ATP10A: variants seen among roughly 807,000 people sequenced by gnomAD.
ATP10A encodes the protein phospholipid-transporting ATPase VA.
In ATP10A, 111 loss-of-function variants were observed where a neutral mutation model predicts 147.8. That is an observed-to-expected ratio of 0.75 (90% CI 0.64 to 0.88). ATP10A has a LOEUF of 0.88. ATP10A is among the 40% of genes least tolerant of loss of function. The pLI is 0.00. For missense variants in ATP10A, 1,927 were observed against 1,959.0 expected (o/e 0.98, Z 0.31); for synonymous variants, 875 against 841.6 (o/e 1.04, Z -0.69).
intron 14 of ATP10A, among the ~76,000 whole-genome samples, chr15:25,693,441 C>G (rs557962432): frequency 6.6e-6 from 1 of 152,250 alleles, no homozygotes; most frequent in South Asian, 2.1e-4. Context: ...ATACCAGACA[C>G]CAGTGGCTAC....
chr15:25,713,578 T>C (rs1299069387), intron 10 of ATP10A, 96 bp downstream of exon 10: 1 of 1,242,306 alleles, frequency 8.0e-7, no homozygotes, highest in South Asian at 1.4e-5. Context: ...AAAGGATTAA[T>C]GAAAATCACT....
At chr15:25,822,222 C>G (rs1891922486) in intron 1 of ATP10A, among the ~76,000 whole-genome samples, 1 of 152,152 alleles carries the variant, frequency 6.6e-6, no homozygotes, top group Non-Finnish European at 1.5e-5. Flanking sequence ...ACTTTTAGAT[C>G]TGAATCCAGG....
chr15:25,679,977 A>C lies in ATP10A; in HGVS notation c.3867-3T>G. On this transcript the variant is annotated splice_region_variant and splice_polypyrimidine_tract_variant and intron_variant, in intron 20 of 20. Transcript: ENST00000555815. ...CCTGGAGGGATCTGAAAAACAATCT[A>C]GAAAAAGTACATTAAAACAAAAAGT... is the stretch of plus-strand genomic sequence containing the variant. 1 of 1,590,992 alleles carries C rather than the reference A, an allele frequency of 6.3e-7. No homozygotes were observed. The highest frequency in any genetic ancestry group is 8.6e-7 in the Non-Finnish European group (1 of 1,164,028).
chr15:25,847,555 C>T (rs1182383475), intron 1 of ATP10A, among the ~76,000 whole-genome samples: 1 of 138,540 alleles, frequency 7.2e-6, no homozygotes, highest in Non-Finnish European at 1.5e-5. Context: ...CATGATCCCA[C>T]TAAGCAATTT....
intron 17 of ATP10A, 133 bp downstream of exon 17, chr15:25,683,153 A>C: frequency 1.2e-6 from 1 of 833,428 alleles, no homozygotes; most frequent in South Asian, 1.8e-5. Flanking sequence ...CATCCTCTAG[A>C]ATGGTGAATT....
chr15:25,757,744 T>C (rs1888503087), intron 2 of ATP10A, among the ~76,000 whole-genome samples: 1 of 152,238 alleles, frequency 6.6e-6, no homozygotes. Flanking sequence ...TTTCAAAGAA[T>C]TAATGTCAGT....
chr15:25,716,612 G>C, intron 9 of ATP10A, 118 bp downstream of exon 9: 1 of 1,017,734 alleles, frequency 9.8e-7, no homozygotes, highest in South Asian at 1.8e-5. Context: ...CTTAGGTCAC[G>C]ATGTGCCAAG....
At chr15:25,850,208 G>A (rs1463744584) in intron 1 of ATP10A, among the ~76,000 whole-genome samples, 1 of 152,168 alleles carries the variant, frequency 6.6e-6, no homozygotes. Context: ...TTCAAAAATG[G>A]TTGGCTTGTT....
intron 17 of ATP10A, 44 bp from the exon 18 acceptor site, chr15:25,681,118 C>A (rs1196051219): frequency 6.4e-7 from 1 of 1,571,010 alleles, no homozygotes. Flanking sequence ...GAAGCATTGG[C>A]ATCCTCTGTG....
At chr15:25,837,959 A>T (rs28650022) in intron 1 of ATP10A, among the ~76,000 whole-genome samples, 4 of 152,274 alleles carry the variant, frequency 2.6e-5, no homozygotes, top group East Asian at 3.9e-4. Context: ...GGAGGATGGA[A>T]GAGGGACAGC....
intron 1 of ATP10A, among the ~76,000 whole-genome samples, chr15:25,843,909 G>A (rs1296142015): frequency 4.6e-5 from 7 of 152,116 alleles, no homozygotes; most frequent in Non-Finnish European, 1.0e-4. Flanking sequence ...CCTTTTAGCC[G>A]ATTTCCTGCT....
rs1471151044 is a variant in ATP10A, at chr15:25,714,037, G to A, written c.1981C>T (p.Pro661Ser). 8.7e-6 allele frequency: 14 copies of A among 1,611,300 alleles called. No individual in the cohort carries two copies. The highest frequency in any genetic ancestry group is 1.6e-4 in the Middle Eastern group (1 of 6,082). ...CCGTTGCTGGCGATGGCCGAGGTGG[G>A]CTGGCCCAGCCTCTCCTCCAGCCTG... is the stretch of plus-strand genomic sequence containing the variant. ...LLRLEERLGQ[P>S]TSAIASNGYS... Residue 661 changes from proline (P) to serine (S), a missense_variant, in exon 10 of 21, where the codon CCC becomes TCC. Physicochemically the swap from Pro to Ser is moderately conservative, Grantham distance 74 (BLOSUM62 -1). Transcript: ENST00000555815.
At chr15:25,680,721 G>T in intron 19 of ATP10A, 89 bp downstream of exon 19, 2 of 1,252,190 alleles carry the variant, frequency 1.6e-6, no homozygotes, top group South Asian at 2.4e-5. Flanking sequence ...TACTCAAAAC[G>T]ACCTCCCAGA....
chr15:25,683,209 G>A (rs1296059420), intron 17 of ATP10A, 77 bp downstream of exon 17: 9 of 1,387,382 alleles, frequency 6.5e-6, no homozygotes, highest in Non-Finnish European at 7.1e-6. Context: ...GGGAGGCTGG[G>A]GGACTGGCAC....
intron 1 of ATP10A, among the ~76,000 whole-genome samples, chr15:25,824,778 C>T (rs1892048144): frequency 2.0e-5 from 3 of 152,238 alleles, no homozygotes; most frequent in African/African-American, 7.2e-5. Flanking sequence ...AGAAAAATGG[C>T]TGAAACTCAG....
intron 2 of ATP10A, among the ~76,000 whole-genome samples, chr15:25,774,830 A>G (rs569545284): frequency 6.6e-6 from 1 of 152,346 alleles, no homozygotes; most frequent in South Asian, 2.1e-4. Flanking sequence ...TTAGAATTAA[A>G]AATTTAATCT....
chr15:25,862,995 G>C lies in ATP10A; in HGVS notation c.102C>G (p.Pro34=). ...CAGCCGCAGGGTCCTCGGCGCCCGG[G>C]GGCGGCAGCAGGTTGGAGCGCACCG... The part of the protein sequence containing the change: ...TRTVRSNLLP[P]PGAEDPAAGA... The change falls in exon 1 of 21, where the codon CCC becomes CCG. Residue 34 remains proline (P), a synonymous_variant. Coordinates refer to ENST00000555815, the MANE Select transcript of ATP10A (RefSeq NM_024490.4). The C allele has an allele frequency of 7.1e-7, 1 of 1,413,646 alleles. No individual in the cohort carries two copies. The allele number at this position is 1,413,646 out of a possible 1,614,324, so 87.6% of individuals were successfully genotyped here. A position where few individuals can be genotyped will look rare whatever the true frequency, so the allele number is the denominator to read the frequency against.
intron 1 of ATP10A, among the ~76,000 whole-genome samples, chr15:25,830,360 A>C (rs1312678998): frequency 6.6e-6 from 1 of 152,170 alleles, no homozygotes; most frequent in East Asian, 1.9e-4. Flanking sequence ...TGTGCCCTGA[A>C]ACTAGCGGCC....
intron 1 of ATP10A, among the ~76,000 whole-genome samples, chr15:25,848,990 G>A (rs1381564724): frequency 3.9e-5 from 6 of 152,052 alleles, no homozygotes; most frequent in Admixed American, 6.5e-5. Context: ...CACACCTACC[G>A]CTGTGGGAGG....
Sources: gnomAD v4.1 joint callset for allele counts (sites outside exome capture counted in the v4.1 genomes callset) on GRCh38, gnomAD v4.1.1 for gene constraint, MANE v1.5 for transcripts, NCBI Gene and HGNC (gene_info 2026-07-23, HGNC 2026-07-21) for gene names.